The following SGF29 variants were observed in gnomAD, a reference collection of about 807,000 sequenced individuals.
The protein encoded by SGF29 is SAGA-associated factor 29.
Under a neutral mutation model 38.1 loss-of-function variants are expected in SGF29, and 15 were observed. That is an observed-to-expected ratio of 0.39 (90% confidence interval 0.26 to 0.61). SGF29 has a LOEUF of 0.61. SGF29 is among the 20% of genes least tolerant of loss of function. The probability of loss-of-function intolerance (pLI) is 0.49; values close to 1 mark genes in which losing one functional copy is unlikely to be tolerated. For missense variants in SGF29, 184 were observed against 394.6 expected (o/e 0.47, Z 4.52); for synonymous variants, 151 against 160.8 (o/e 0.94, Z 0.46).
intron 1 of SGF29, among the ~76,000 whole-genome samples, chr16:28,578,629 C>T (rs1260561923): frequency 1.3e-5 from 2 of 151,316 alleles, no homozygotes; most frequent in South Asian, 2.1e-4. Context: ...GAGTTTACTC[C>T]ATTCATCGTG....
chr16:28,591,110 T>A (rs2046987473), intron 9 of SGF29, among the ~76,000 whole-genome samples, 175 bp downstream of exon 9: 1 of 152,124 alleles, frequency 6.6e-6, no homozygotes, highest in Non-Finnish European at 1.5e-5. Flanking sequence ...ACCATCCCTT[T>A]GCCAGCCCTG....
Position 28,590,475 on chromosome 16 carries a change from G to A in SGF29, c.566+33G>A, listed in dbSNP as rs757332005. On this transcript the variant is annotated intron_variant, in intron 7 of 9. Transcript: ENST00000317058. This position sits in a 1 kb window ranked among gnomAD's most constrained non-coding sequence, Gnocchi z 8.2. ...ACACCAACCCTGGGGCTGCTCTCTGGTCACCGAACTTGCCTGGGCTACGGG... is the reference window on the plus strand; with the variant it reads ...ACACCAACCCTGGGGCTGCTCTCTGATCACCGAACTTGCCTGGGCTACGGG... 1 of 1,613,868 alleles carries A rather than the reference G, an allele frequency of 6.2e-7. No homozygotes were observed. Among genetic ancestry groups the A allele is most frequent in the Non-Finnish European group, 8.5e-7 (1 of 1,179,834 alleles).
intron 1 of SGF29, among the ~76,000 whole-genome samples, chr16:28,572,170 G>T (rs535601479): frequency 1.3e-5 from 2 of 151,850 alleles, no homozygotes; most frequent in South Asian, 2.1e-4. Context: ...TGGAGATGGG[G>T]TTTCACTGTG....
chr16:28,563,556 T>G (rs2046802680), intron 1 of SGF29, among the ~76,000 whole-genome samples: 1 of 152,158 alleles, frequency 6.6e-6, no homozygotes, highest in Admixed American at 6.6e-5. Flanking sequence ...TCTTGTTATA[T>G]GTACATGGGA....
chr16:28,591,000 G>C lies in SGF29; in HGVS notation c.765+65G>C, dbSNP rs754079877. The C allele has an allele frequency of 6.7e-6, 10 of 1,499,938 alleles. No individual in the cohort carries two copies. Among genetic ancestry groups the C allele is most frequent in the Non-Finnish European group, 8.9e-6 (10 of 1,117,634 alleles). 92.9% of individuals were successfully genotyped at this position (1,499,938 alleles called of 1,614,324 possible). A position where few individuals can be genotyped will look rare whatever the true frequency, so the allele number is the denominator to read the frequency against. ...GGAACAGGCTGATCAGACAGACGAG[G>C]GGTCCTCTCCCCACTCCTTCCCTTT... is the stretch of plus-strand genomic sequence containing the variant. On this transcript the variant is annotated intron_variant, in intron 9 of 9. Transcript: ENST00000317058. This position sits in a 1 kb window ranked among gnomAD's most constrained non-coding sequence, Gnocchi z 8.2.
At chr16:28,554,233 A>G (rs1361007022) in intron 1 of SGF29, 136 bp downstream of exon 1, 1 of 17,066 alleles carries the variant, frequency 5.9e-5, no homozygotes. Flanking sequence ...TCTGGGCGGG[A>G]GGGGGGCGGG....
rs752811980 is a variant in SGF29 at position 28,585,629 on chromosome 16, C to A, written c.152-19C>A. On this transcript the variant is annotated intron_variant, in intron 3 of 9. Coordinates refer to ENST00000317058, the MANE Select transcript of SGF29 (RefSeq NM_138414.3). ...GCCTGCCCTGGCCCTGCCTCCTTAT[C>A]CCTGTGTTTCCTCTGCAGTTTCTCC... 1 of 1,612,362 alleles carries A rather than the reference C, an allele frequency of 6.2e-7. No homozygotes were observed. Among genetic ancestry groups the A allele is most frequent in the Non-Finnish European group, 8.5e-7 (1 of 1,178,468 alleles).
At chr16:28,582,571 A>G (rs941604241) in intron 2 of SGF29, among the ~76,000 whole-genome samples, 5 of 152,138 alleles carry the variant, frequency 3.3e-5, no homozygotes, top group Admixed American at 3.3e-4. Context: ...ACATACAGGA[A>G]CTCTGTGCCA....
At chr16:28,571,799 A>C (rs2046866522) in intron 1 of SGF29, among the ~76,000 whole-genome samples, 1 of 151,846 alleles carries the variant, frequency 6.6e-6, no homozygotes, top group Non-Finnish European at 1.5e-5. Flanking sequence ...GGAAGGAGAG[A>C]GCTGGGGTGT....
chr16:28,560,313 C>T (rs538574865), intron 1 of SGF29, among the ~76,000 whole-genome samples: 11 of 150,556 alleles, frequency 7.3e-5, no homozygotes, highest in East Asian at 6.0e-4. Flanking sequence ...TGAATGGGCC[C>T]GGCACAGTGG....
At chr16:28,582,746 C>A (rs2046933589) in intron 2 of SGF29, among the ~76,000 whole-genome samples, 1 of 152,020 alleles carries the variant, frequency 6.6e-6, no homozygotes, top group Non-Finnish European at 1.5e-5. Context: ...GAGTTTGAGA[C>A]CAGTCTGGCC....
intron 1 of SGF29, among the ~76,000 whole-genome samples, chr16:28,571,473 A>ATCCC (rs2151646646): frequency 6.6e-6 from 1 of 152,026 alleles, no homozygotes; most frequent in East Asian, 1.9e-4. Flanking sequence ...GACACCTGTA[A>ATCCC]TCCCAGCTAC....
chr16:28,578,355 C>T (rs750399239), intron 1 of SGF29, among the ~76,000 whole-genome samples: 3 of 151,996 alleles, frequency 2.0e-5, no homozygotes, highest in Non-Finnish European at 2.9e-5. Flanking sequence ...ATTGCCCTGG[C>T]GAGAGCCTCC....
chr16:28,569,657 GAA>G (rs923178303), intron 1 of SGF29, among the ~76,000 whole-genome samples: 1 of 150,584 alleles, frequency 6.6e-6, no homozygotes, highest in South Asian at 2.1e-4. Context: ...GTCTCAAAAA[GAA>G]AAAAAAAGAA....
In SGF29 at chr16:28,576,293, C is replaced by T. The variant is rs543577369; in HGVS notation, c.-15-4762C>T. The stretch of plus-strand genomic sequence containing the variant: ...AGGGAGAAGCGGGAAAGATAACCAT[C>T]GGGTACTGGGCATAATACCTGGGTG... On this transcript the variant is annotated intron_variant, in intron 1 of 9. Coordinates refer to ENST00000317058, the MANE Select transcript of SGF29 (RefSeq NM_138414.3). Among the ~76,000 whole-genome samples the T allele has an allele frequency of 4.6e-5, 7 of 152,174 alleles. No homozygotes were observed. In the East Asian group the frequency reaches 5.8e-4, roughly 13 times the overall value.
chr16:28,585,671 C>G lies in SGF29; in HGVS notation c.175C>G (p.Leu59Val). Reference sequence around the variant, plus strand: ...AGTTTCTCCCTATTACCGGACAAAGCTGCGTGGCCTCTACACAACCGCCAA... The same window carrying G: ...AGTTTCTCCCTATTACCGGACAAAGGTGCGTGGCCTCTACACAACCGCCAA... The part of the protein sequence containing the change: ...NKISPYYRTK[L>V]RGLYTTAKAD... The change falls in exon 4 of 10, where the codon CTG becomes GTG. Residue 59 changes from leucine (L) to valine (V), a missense_variant. Physicochemically the swap from Leu to Val is conservative, Grantham distance 32. Transcript: ENST00000317058. 1 of 1,614,182 alleles carries G rather than the reference C, an allele frequency of 6.2e-7. No homozygotes were observed. The highest frequency in any genetic ancestry group is 8.5e-7 in the Non-Finnish European group (1 of 1,180,024).
intron 1 of SGF29, among the ~76,000 whole-genome samples, chr16:28,563,934 A>G (rs533249733): frequency 6.6e-6 from 1 of 152,098 alleles, no homozygotes; most frequent in South Asian, 2.1e-4. Flanking sequence ...TTTAGTAGAG[A>G]CAGGGTTTTG....
intron 1 of SGF29, among the ~76,000 whole-genome samples, chr16:28,572,243 T>C (rs2046869193): frequency 6.6e-6 from 1 of 152,034 alleles, no homozygotes; most frequent in Admixed American, 6.6e-5. Flanking sequence ...CCCTAAGTGC[T>C]GGGATTACAG....
intron 1 of SGF29, among the ~76,000 whole-genome samples, chr16:28,574,007 C>T (rs571853136): frequency 3.8e-4 from 58 of 152,212 alleles, no homozygotes; most frequent in African/African-American, 1.3e-3. Context: ...GCAAGGCGGG[C>T]CATTGGTTTT....
Sources: gnomAD v4.1 joint callset for allele counts (sites outside exome capture counted in the v4.1 genomes callset) on GRCh38, gnomAD v4.1.1 for gene constraint, Gnocchi (gnomAD v3.1) non-coding constraint, MANE v1.5 for transcripts, NCBI Gene and HGNC (gene_info 2026-07-23, HGNC 2026-07-21) for gene names.